Variants in FGD5 observed in about 807,000 individuals in gnomAD.
FGD5 encodes FYVE, RhoGEF and PH domain containing 5, also known as FYVE, RhoGEF and PH domain-containing protein 5.
In FGD5, 28 loss-of-function variants were observed where a neutral mutation model predicts 133.4. That is an observed-to-expected ratio of 0.21 (90% confidence interval 0.16 to 0.29). The LOEUF (loss-of-function observed/expected upper bound fraction) is 0.29. Ranked by LOEUF, FGD5 falls within the 10% of genes least tolerant of loss-of-function variation. The pLI is 1.00. For missense variants in FGD5, 1,858 were observed against 1,895.2 expected (o/e 0.98, Z 0.36); for synonymous variants, 810 against 776.5 (o/e 1.04, Z -0.72).
At chr3:14,929,704 T>A (rs1389901587) in intron 18 of FGD5, among the ~76,000 whole-genome samples, 1 of 152,200 alleles carries the variant, frequency 6.6e-6, no homozygotes, top group Admixed American at 6.5e-5. Context: ...TAAAGTAGGT[T>A]GTACTGTGAT....
intron 2 of FGD5, among the ~76,000 whole-genome samples, chr3:14,876,547 A>T (rs1575225317): frequency 1.3e-5 from 2 of 152,268 alleles, no homozygotes; most frequent in South Asian, 4.1e-4. Flanking sequence ...TAAATAAATA[A>T]ACCACCCTGT....
intron 1 of FGD5, among the ~76,000 whole-genome samples, chr3:14,860,755 C>T (rs1405146352): frequency 6.6e-6 from 1 of 151,970 alleles, no homozygotes; most frequent in African/African-American, 2.4e-5. Context: ...GGGAGGATTG[C>T]TTGAACCCAG....
Position 14,918,831 on chromosome 3 carries a change from G to T in FGD5, c.3567G>T (p.Ala1189=), listed in dbSNP as rs774063346. The T allele has an allele frequency of 6.8e-6, 11 of 1,613,832 alleles. No individual in the cohort carries two copies. The African/African-American group carries it at 1.3e-4, about 20-fold the overall frequency. The change falls in exon 13 of 20, where the codon GCG becomes GCT. Residue 1189 remains alanine (A), a splice_region_variant and synonymous_variant. Coordinates refer to ENST00000285046, the MANE Select transcript of FGD5 (RefSeq NM_152536.4). The stretch of plus-strand genomic sequence containing the variant: ...CCGAGTCCTGCCTGATGCTGTCTGC[G>T]AGGTACGGGCAGGTGGAGGGAGGAT... ...ETSESCLMLS[A]SSCAERDEWY... is the part of the protein sequence containing the mutation.
At chr3:14,902,793 T>G (rs1224222904) in intron 9 of FGD5, among the ~76,000 whole-genome samples, 1 of 152,148 alleles carries the variant, frequency 6.6e-6, no homozygotes, top group Non-Finnish European at 1.5e-5. Context: ...ACATTTCCCT[T>G]TAGCCGGGGC....
chr3:14,866,376 C>A (rs1216854222), intron 2 of FGD5, among the ~76,000 whole-genome samples: 1 of 152,146 alleles, frequency 6.6e-6, no homozygotes, highest in Non-Finnish European at 1.5e-5. Context: ...TGCTCAGAAC[C>A]ATTCTAAAGG....
intron 11 of FGD5, among the ~76,000 whole-genome samples, chr3:14,913,941 A>T (rs1239885369): frequency 2.7e-5 from 4 of 148,210 alleles, no homozygotes; most frequent in Non-Finnish European, 6.0e-5. Flanking sequence ...CTTCTTCCCC[A>T]CACTCCCCCC....
At chr3:14,847,731 G>C (rs2037076813) in intron 1 of FGD5, among the ~76,000 whole-genome samples, 1 of 152,212 alleles carries the variant, frequency 6.6e-6, no homozygotes. Flanking sequence ...AGGCAGGCTG[G>C]CTGGAGACTG....
intron 19 of FGD5, 86 bp from the exon 20 acceptor site, chr3:14,933,045 C>A: frequency 1.4e-6 from 2 of 1,434,180 alleles, no homozygotes; most frequent in Non-Finnish European, 1.9e-6. Context: ...TAAGAGGAAT[C>A]TACTAGTCCA....
intron 1 of FGD5, among the ~76,000 whole-genome samples, chr3:14,850,570 A>G (rs1037248431): frequency 1.3e-5 from 2 of 152,164 alleles, no homozygotes; most frequent in Admixed American, 6.5e-5. Flanking sequence ...GAGATGGGGA[A>G]ACTGGGATAG....
At chr3:14,842,852 G>C (rs2036949679) in intron 1 of FGD5, among the ~76,000 whole-genome samples, 1 of 152,194 alleles carries the variant, frequency 6.6e-6, no homozygotes, top group South Asian at 2.1e-4. Flanking sequence ...TGTTGGGTGT[G>C]AGAATGGGTG....
Position 14,820,988 on chromosome 3 carries a change from G to C in FGD5, c.1917G>C (p.Glu639Asp), listed in dbSNP as rs756017066. The C allele has an allele frequency of 1.9e-4, 314 of 1,613,730 alleles. 1 individual carries two copies. The Middle Eastern group carries it at 2.1e-3, about 11-fold the overall frequency. Residue 639 changes from glutamate to aspartate, a missense_variant, in exon 1 of 20, where the codon GAG (glutamate) becomes GAC (aspartate). By Grantham distance (45) the Glu-to-Asp change is conservative. This residue lies in a region of FGD5 where 1,824 missense variants were observed against 1,848.9 expected (regional missense o/e 0.99). Transcript: ENST00000285046. ...ITKSSPSLLIESDSPDKYKKK... is the reference protein window; with the variant it reads ...ITKSSPSLLIDSDSPDKYKKK... ...AGAGCTCTCCCTCACTCCTGATCGA[G>C]AGCGACTCCCCGGACAAGTACAAGA... is the stretch of plus-strand genomic sequence containing the variant.
At chr3:14,869,396 A>C (rs1020186868) in intron 2 of FGD5, among the ~76,000 whole-genome samples, 3 of 152,364 alleles carry the variant, frequency 2.0e-5, no homozygotes, top group African/African-American at 7.2e-5. Flanking sequence ...TCTTAGACAC[A>C]GAATGCCTTC....
chr3:14,884,051 AG>A (rs1225682260), intron 4 of FGD5, among the ~76,000 whole-genome samples: 1 of 152,226 alleles, frequency 6.6e-6, no homozygotes. Context: ...AGGTAGGATC[AG>A]GGATCAAGAA....
At chr3:14,877,073 T>C (rs1038829479) in intron 2 of FGD5, among the ~76,000 whole-genome samples, 3 of 152,090 alleles carry the variant, frequency 2.0e-5, no homozygotes, top group Non-Finnish European at 2.9e-5. Context: ...AGCAATAGCA[T>C]GGGCCTTGGC....
chr3:14,892,193 C>CT (rs978612984), intron 4 of FGD5, among the ~76,000 whole-genome samples: 20 of 148,628 alleles, frequency 1.3e-4, no homozygotes, highest in African/African-American at 2.7e-4. Context: ...TACAAAAGAC[C>CT]TTTTTTTTTT....
chr3:14,908,968 TCATC>T (rs532892832), intron 10 of FGD5, among the ~76,000 whole-genome samples: 1 of 146,244 alleles, frequency 6.8e-6, no homozygotes, highest in African/African-American at 2.8e-5. Flanking sequence ...ATTCATTCAT[TCATC>T]CATTCATTCA....
chr3:14,868,364 AGGTCTGCTCCT>A (rs1232090299), intron 2 of FGD5, among the ~76,000 whole-genome samples: 1 of 152,030 alleles, frequency 6.6e-6, no homozygotes, highest in Non-Finnish European at 1.5e-5. Flanking sequence ...CCTCTGTGGC[AGGTCTGCTCCT>A]GCCCAGCAGG....
intron 18 of FGD5, 112 bp from the exon 19 acceptor site, chr3:14,932,465 C>T: frequency 7.7e-7 from 1 of 1,306,556 alleles, no homozygotes; most frequent in Non-Finnish European, 1.0e-6. Flanking sequence ...CCGAAGGTGC[C>T]AAAGCACACC....
chr3:14,913,199 G>A (rs998943407), intron 11 of FGD5, among the ~76,000 whole-genome samples: 1 of 152,212 alleles, frequency 6.6e-6, no homozygotes, highest in African/African-American at 2.4e-5. Flanking sequence ...CCCCAGGAAA[G>A]TGGAAAGACT....
Sources: gnomAD v4.1 joint callset for allele counts (sites outside exome capture counted in the v4.1 genomes callset) on GRCh38, gnomAD v4.1.1 for gene constraint, gnomAD v4.1.1 regional missense constraint, MANE v1.5 for transcripts, NCBI Gene and HGNC (gene_info 2026-07-23, HGNC 2026-07-21) for gene names.